The following KDM4C variants were observed in gnomAD, a reference collection of about 807,000 sequenced individuals.
KDM4C encodes the protein lysine-specific demethylase 4C.
In KDM4C, 81 loss-of-function variants were observed where a neutral mutation model predicts 129.3. The observed-to-expected ratio is 0.63, with a 90% confidence interval of 0.52 to 0.75. KDM4C has a LOEUF of 0.75. KDM4C is among the 30% of genes least tolerant of loss of function. The pLI is 0.00. For missense variants in KDM4C, 1,457 were observed against 1,304.0 expected (o/e 1.12, Z -1.81); for synonymous variants, 573 against 456.1 (o/e 1.26, Z -3.26).
At chr9:6,949,765 A>C (rs559815951) in intron 8 of KDM4C, among the ~76,000 whole-genome samples, 1 of 152,146 alleles carries the variant, frequency 6.6e-6, no homozygotes, top group Non-Finnish European at 1.5e-5. Flanking sequence ...TCAGGCAGGG[A>C]GGTTGCAGTG....
intron 8 of KDM4C, among the ~76,000 whole-genome samples, chr9:6,929,385 C>T (rs1823226817): frequency 6.6e-6 from 1 of 151,996 alleles, no homozygotes; most frequent in Admixed American, 6.6e-5. Flanking sequence ...TTTATTCTTC[C>T]ATTTCCAAAT....
chr9:6,876,938 T>C (rs1418938871), intron 5 of KDM4C, among the ~76,000 whole-genome samples: 1 of 151,636 alleles, frequency 6.6e-6, no homozygotes, highest in African/African-American at 2.4e-5. Flanking sequence ...ATCAGGGAGG[T>C]TGTGGGGAGT....
At chr9:7,086,836 T>C (rs1835174958) in intron 17 of KDM4C, among the ~76,000 whole-genome samples, 1 of 152,212 alleles carries the variant, frequency 6.6e-6, no homozygotes, top group South Asian at 2.1e-4. Flanking sequence ...TTTTCTAAAG[T>C]TGATCTGCCT....
At chr9:6,728,045 C>A (rs1313366027) in intron 1 of KDM4C, among the ~76,000 whole-genome samples, 5 of 104,050 alleles carry the variant, frequency 4.8e-5, no homozygotes, top group Middle Eastern at 6.7e-3. Context: ...AAAAGTTTGG[C>A]CAAAACCAAC....
At chr9:6,944,591 A>G (rs1826537502) in intron 8 of KDM4C, among the ~76,000 whole-genome samples, 1 of 147,828 alleles carries the variant, frequency 6.8e-6, no homozygotes, top group Non-Finnish European at 1.5e-5. Flanking sequence ...TTTAACTTGA[A>G]TATTCTTTCT....
intron 17 of KDM4C, among the ~76,000 whole-genome samples, chr9:7,085,200 G>A (rs1834971907): frequency 6.6e-6 from 1 of 152,236 alleles, no homozygotes; most frequent in Non-Finnish European, 1.5e-5. Context: ...GGCAGAGGAG[G>A]AGCACACTGG....
At chr9:7,131,619 C>G (rs1039205820) in intron 19 of KDM4C, among the ~76,000 whole-genome samples, 1 of 152,136 alleles carries the variant, frequency 6.6e-6, no homozygotes, top group Non-Finnish European at 1.5e-5. Flanking sequence ...TGCCCAGCCC[C>G]ACACACCATT....
Position 6,916,603 on chromosome 9 carries a change from C to G in KDM4C, c.921+23371C>G, listed in dbSNP as rs757810152. ...CTAATTCGTTTGACCAGATGAAATT[C>G]TTTTTCTTTATCCAGCAAATATATA... is the stretch of plus-strand genomic sequence containing the variant. On this transcript the variant is annotated intron_variant, in intron 8 of 21. Coordinates refer to ENST00000381309, the MANE Select transcript of KDM4C (RefSeq NM_015061.6). Among the ~76,000 whole-genome samples the G allele has an allele frequency of 2.6e-5, 4 of 152,202 alleles. No individual in the cohort carries two copies. The South Asian group carries it at 8.3e-4, about 32-fold the overall frequency.
At chr9:7,029,398 A>T (rs1289202423) in intron 15 of KDM4C, among the ~76,000 whole-genome samples, 1 of 150,826 alleles carries the variant, frequency 6.6e-6, no homozygotes, top group African/African-American at 2.4e-5. Context: ...ATGAAGGAGG[A>T]TGTTAGTTAA....
chr9:6,723,504 A>G (rs1817025116), intron 1 of KDM4C: 1 of 152,088 alleles, frequency 6.6e-6, no homozygotes, highest in Non-Finnish European at 1.5e-5. Flanking sequence ...CCTCTCTCTT[A>G]CCCTGACCTC....
chr9:6,959,170 A>G (rs1437402204), intron 8 of KDM4C, among the ~76,000 whole-genome samples: 3 of 152,164 alleles, frequency 2.0e-5, no homozygotes, highest in African/African-American at 7.2e-5. Context: ...CTTTTAAAAG[A>G]AGTAGGTGAG....
chr9:6,925,251 T>C (rs1822264162), intron 8 of KDM4C: 1 of 985,248 alleles, frequency 1.0e-6, no homozygotes, highest in African/African-American at 1.7e-5. Context: ...GGAATAATTA[T>C]GAACAGCATT....
rs528782263 is a variant in KDM4C, at chr9:7,017,644, A to G, written c.2259+1715A>G. On this transcript the variant is annotated intron_variant, in intron 15 of 21. Transcript: ENST00000381309. ...AATCAGAACATTCTTGAAAGTGACG[A>G]ACAATCAGACCTCAGCAGTGTATGC... is the stretch of plus-strand genomic sequence containing the variant. 3.3e-5 allele frequency among the ~76,000 whole-genome samples: 5 copies of G among 152,330 alleles called. No homozygotes were observed. In the South Asian group the frequency reaches 1.0e-3, roughly 32 times the overall value.
At chr9:7,138,724 C>T (rs1160276758) in intron 19 of KDM4C, among the ~76,000 whole-genome samples, 1 of 151,938 alleles carries the variant, frequency 6.6e-6, no homozygotes. Context: ...GAGACTGAGG[C>T]AGGAGGAACC....
At chr9:7,009,471 GA>G (rs1652681501) in intron 12 of KDM4C, among the ~76,000 whole-genome samples, 1 of 151,724 alleles carries the variant, frequency 6.6e-6, no homozygotes, top group Admixed American at 6.6e-5. Flanking sequence ...TTTTTTCACA[GA>G]TTTAATAAAA....
At chr9:7,095,650 C>G (rs889450131) in intron 17 of KDM4C, among the ~76,000 whole-genome samples, 2 of 151,762 alleles carry the variant, frequency 1.3e-5, no homozygotes, top group African/African-American at 4.8e-5. Flanking sequence ...ATTATAGTTT[C>G]CAACATTAAT....
intron 17 of KDM4C, among the ~76,000 whole-genome samples, chr9:7,083,170 T>G (rs1834730104): frequency 6.6e-6 from 1 of 152,238 alleles, no homozygotes; most frequent in Admixed American, 6.5e-5. Context: ...TGAGTATCTC[T>G]TATCCAAAAT....
At chr9:6,895,729 G>T (rs1320062030) in intron 8 of KDM4C, among the ~76,000 whole-genome samples, 1 of 151,988 alleles carries the variant, frequency 6.6e-6, no homozygotes, top group Non-Finnish European at 1.5e-5. Flanking sequence ...GTGAGATCTT[G>T]TCTCTACAAA....
At position 6,949,464 on chromosome 9, in the gene KDM4C, C is replaced by T. The variant is rs570748122; in HGVS notation, c.922-31461C>T. On this transcript the variant is annotated intron_variant, in intron 8 of 21. Transcript: ENST00000381309. ...GGCGGCTGGGCAGAGGCTGTAATCT[C>T]GGCACTTTGGGAGGCCAAGGCAGGC... 3.4e-3 allele frequency among the ~76,000 whole-genome samples: 519 copies of T among 152,286 alleles called. 2 individuals carry two copies. Among genetic ancestry groups the T allele is most frequent in the African/African-American group, 0.012 (488 of 41,568 alleles).
Sources: gnomAD v4.1 joint callset for allele counts (sites outside exome capture counted in the v4.1 genomes callset) on GRCh38, gnomAD v4.1.1 for gene constraint, MANE v1.5 for transcripts, NCBI Gene and HGNC (gene_info 2026-07-23, HGNC 2026-07-21) for gene names.